EYA4: variants seen among roughly 807,000 people sequenced by gnomAD.
EYA4 encodes the protein EYA transcriptional coactivator and phosphatase 4, also known as protein phosphatase EYA4.
Under a neutral mutation model 87.9 loss-of-function variants are expected in EYA4, and 31 were observed. The ratio of observed to expected loss-of-function variants is 0.35; its 90% CI spans 0.27 to 0.48. The LOEUF (loss-of-function observed/expected upper bound fraction) is 0.48. Among genes scored for constraint, EYA4 ranks in the 20% least tolerant of loss-of-function variants. EYA4 has a pLI of 0.99. For synonymous variants in EYA4, 263 were observed against 270.6 expected (o/e 0.97, Z 0.28); for missense variants, 678 against 761.4 (o/e 0.89, Z 1.29).
At chr6:133,317,730 G>C (rs1445627925) in intron 2 of EYA4, among the ~76,000 whole-genome samples, 1 of 151,708 alleles carries the variant, frequency 6.6e-6, no homozygotes, top group Admixed American at 6.6e-5. Context: ...CTAATAGTTG[G>C]GTATCTGAAT....
At chr6:133,270,993 C>T (rs1776642421) in intron 1 of EYA4, among the ~76,000 whole-genome samples, 1 of 152,094 alleles carries the variant, frequency 6.6e-6, no homozygotes, top group Admixed American at 6.5e-5. Context: ...CAGTGTTCCT[C>T]CCTCTGGAAC....
chr6:133,505,543 TCTTAC>T (rs1798523294), intron 13 of EYA4, among the ~76,000 whole-genome samples: 1 of 152,174 alleles, frequency 6.6e-6, no homozygotes, highest in Admixed American at 6.5e-5. Flanking sequence ...GGGAGATTCC[TCTTAC>T]CTTGTTGATA....
At chr6:133,518,469 C>T (rs1799799585) in intron 17 of EYA4, among the ~76,000 whole-genome samples, 1 of 152,048 alleles carries the variant, frequency 6.6e-6, no homozygotes, top group Admixed American at 6.6e-5. Flanking sequence ...ATTGCTTTTG[C>T]ACCAACCCAA....
intron 3 of EYA4, among the ~76,000 whole-genome samples, chr6:133,385,095 C>T (rs1381611729): frequency 6.6e-6 from 1 of 151,680 alleles, no homozygotes; most frequent in Non-Finnish European, 1.5e-5. Flanking sequence ...GTCAGGAGAT[C>T]GAGACCATCC....
At chr6:133,526,507 C>T (rs1475399754) in intron 19 of EYA4, among the ~76,000 whole-genome samples, 4 of 152,158 alleles carry the variant, frequency 2.6e-5, no homozygotes, top group Non-Finnish European at 5.9e-5. Flanking sequence ...AAGGAAAGCA[C>T]TTCCACTTTA....
chr6:133,364,319 T>C (rs1252921286), intron 2 of EYA4, among the ~76,000 whole-genome samples: 1 of 152,174 alleles, frequency 6.6e-6, no homozygotes, highest in Admixed American at 6.5e-5. Context: ...GTTATTTATA[T>C]AGATGGTAAG....
At chr6:133,409,036 A>C (rs759057487) in intron 3 of EYA4, among the ~76,000 whole-genome samples, 2 of 152,222 alleles carry the variant, frequency 1.3e-5, no homozygotes, top group Non-Finnish European at 2.9e-5. Context: ...TTAGTGACTC[A>C]GTGGTCCATA....
chr6:133,513,129 A>G, intron 16 of EYA4, 91 bp downstream of exon 16: 1 of 1,345,366 alleles, frequency 7.4e-7, no homozygotes, highest in South Asian at 1.2e-5. Context: ...TCTGCTGTAA[A>G]AGAAACAAGC....
intron 2 of EYA4, among the ~76,000 whole-genome samples, chr6:133,281,531 A>G (rs544291258): frequency 6.6e-6 from 1 of 152,274 alleles, no homozygotes; most frequent in Admixed American, 6.5e-5. Flanking sequence ...TCTTATATGA[A>G]TTTTACAGTT....
At chr6:133,410,724 T>A in intron 3 of EYA4, among the ~76,000 whole-genome samples, 1 of 151,812 alleles carries the variant, frequency 6.6e-6, no homozygotes, top group Non-Finnish European at 1.5e-5. Flanking sequence ...TGGCAGGGCT[T>A]TTCTCTCCTC....
intron 3 of EYA4, among the ~76,000 whole-genome samples, chr6:133,423,128 G>A (rs1479018967): frequency 6.6e-6 from 1 of 152,040 alleles, no homozygotes. Context: ...TAAAATGACT[G>A]GAGGGTTTGC....
intron 2 of EYA4, among the ~76,000 whole-genome samples, chr6:133,330,880 A>G (rs1435553373): frequency 3.3e-5 from 5 of 152,034 alleles, no homozygotes; most frequent in African/African-American, 1.2e-4. Context: ...GTATGTGGTA[A>G]CTAGAAGAGC....
chr6:133,418,261 TGCATAGA>T (rs1789917272), intron 3 of EYA4, among the ~76,000 whole-genome samples: 1 of 152,188 alleles, frequency 6.6e-6, no homozygotes, highest in South Asian at 2.1e-4. Context: ...TAGGAGTTTG[TGCATAGA>T]AGCTTGACTC....
At chr6:133,311,741 C>G (rs543260244) in intron 2 of EYA4, among the ~76,000 whole-genome samples, 19 of 152,304 alleles carry the variant, frequency 1.2e-4, no homozygotes, top group African/African-American at 4.6e-4. Context: ...TCTGCTTCTC[C>G]TGGATTGTAA....
chr6:133,357,412 T>C (rs971659666), intron 2 of EYA4, among the ~76,000 whole-genome samples: 3 of 152,016 alleles, frequency 2.0e-5, no homozygotes, highest in African/African-American at 4.8e-5. Context: ...TGCAGAAATA[T>C]CTGAATGTTG....
At chr6:133,243,470 TAAC>T (rs1160175837) in intron 1 of EYA4, among the ~76,000 whole-genome samples, 2 of 152,120 alleles carry the variant, frequency 1.3e-5, no homozygotes, top group Non-Finnish European at 2.9e-5. Flanking sequence ...TAGGAGCGTT[TAAC>T]AACCGCGGGC....
chr6:133,318,392 A>G (rs974539315), intron 2 of EYA4, among the ~76,000 whole-genome samples: 1 of 152,210 alleles, frequency 6.6e-6, no homozygotes, highest in Non-Finnish European at 1.5e-5. Flanking sequence ...GCAGTGAATG[A>G]ACTGTTAAAA....
chr6:133,364,149 C>T (rs1030338526), intron 2 of EYA4, among the ~76,000 whole-genome samples: 4 of 152,330 alleles, frequency 2.6e-5, no homozygotes, highest in Admixed American at 1.3e-4. Context: ...GGCCAATACT[C>T]CCCTTAATGA....
intron 2 of EYA4, among the ~76,000 whole-genome samples, chr6:133,313,641 C>T (rs1780404130): frequency 6.6e-6 from 1 of 152,152 alleles, no homozygotes; most frequent in African/African-American, 2.4e-5. Flanking sequence ...CTAAAATATG[C>T]TAACCAAGAT....
Sources: gnomAD v4.1 joint callset for allele counts (sites outside exome capture counted in the v4.1 genomes callset) on GRCh38, gnomAD v4.1.1 for gene constraint, MANE v1.5 for transcripts, NCBI Gene and HGNC (gene_info 2026-07-23, HGNC 2026-07-21) for gene names.